KAZN: variants seen among roughly 807,000 people sequenced by gnomAD.
KAZN encodes kazrin, periplakin interacting protein.
A neutral mutation model predicts 87.4 loss-of-function variants in KAZN; 40 were observed. The ratio of observed to expected loss-of-function variants is 0.46; its 90% CI spans 0.36 to 0.60. The LOEUF is 0.60. KAZN is among the 20% of genes least tolerant of loss of function. KAZN has a pLI of 0.00. For synonymous variants in KAZN, 466 were observed against 458.3 expected (o/e 1.02, Z -0.22); for missense variants, 898 against 1,073.9 (o/e 0.84, Z 2.29).
chr1:14,336,213 A>G (rs1236837320), intron 2 of KAZN, among the ~76,000 whole-genome samples: 3 of 152,242 alleles, frequency 2.0e-5, no homozygotes, highest in East Asian at 1.9e-4. Flanking sequence ...TATAAATGAA[A>G]TTATACAATA....
At chr1:13,951,242 G>A (rs553103216) in intron 1 of KAZN, among the ~76,000 whole-genome samples, 2 of 152,182 alleles carry the variant, frequency 1.3e-5, no homozygotes, top group Non-Finnish European at 2.9e-5. Context: ...GCATAGTGTG[G>A]TAAGGGACAT....
At position 15,010,276 on chromosome 1, in the gene KAZN, A is replaced by G. The variant is rs370573023; in HGVS notation, c.419-24473A>G. ...TTTCCTGTAAATTGATAGTTCATCT[A>G]AAGGCTTGATCAGATTCAGACTCAT... On this transcript the variant is annotated intron_variant, in intron 2 of 14. Transcript: ENST00000376030. Among the ~76,000 whole-genome samples, 12 of 152,190 alleles carry G rather than the reference A, an allele frequency of 7.9e-5. No individual in the cohort carries two copies. The East Asian group carries it at 9.6e-4, about 12-fold the overall frequency.
chr1:14,321,723 G>A (rs1656063741), intron 2 of KAZN, among the ~76,000 whole-genome samples: 1 of 152,266 alleles, frequency 6.6e-6, no homozygotes, highest in East Asian at 1.9e-4. Context: ...CAAATGGCAG[G>A]TGGTGGGGCA....
At chr1:14,400,734 G>A (rs946171813) in intron 2 of KAZN, among the ~76,000 whole-genome samples, 4 of 152,180 alleles carry the variant, frequency 2.6e-5, no homozygotes, top group Admixed American at 1.3e-4. Context: ...CCCAGGCCCG[G>A]CCCCTGCTGC....
chr1:13,974,900 T>G (rs535208037), intron 1 of KAZN, among the ~76,000 whole-genome samples: 27 of 152,192 alleles, frequency 1.8e-4, no homozygotes, highest in Admixed American at 1.0e-3. Context: ...CCTTCAAGAC[T>G]GCTTTGTTAA....
At chr1:14,523,109 C>A (rs912551091) in intron 2 of KAZN, among the ~76,000 whole-genome samples, 4 of 152,180 alleles carry the variant, frequency 2.6e-5, no homozygotes, top group Non-Finnish European at 5.9e-5. Context: ...GCTTCCACAC[C>A]AGGCATGGAG....
At chr1:14,517,082 A>G (rs760897805) in intron 2 of KAZN, among the ~76,000 whole-genome samples, 1 of 152,182 alleles carries the variant, frequency 6.6e-6, no homozygotes, top group Non-Finnish European at 1.5e-5. Flanking sequence ...GCAAAGAGAC[A>G]GAGAGAGGCA....
intron 2 of KAZN, among the ~76,000 whole-genome samples, chr1:14,417,942 G>C (rs1664943213): frequency 1.6e-5 from 2 of 127,442 alleles, no homozygotes; most frequent in Non-Finnish European, 3.1e-5. Context: ...CATGCAGTGA[G>C]CAGAAATCAC....
intron 1 of KAZN, among the ~76,000 whole-genome samples, chr1:14,049,775 T>C (rs988250507): frequency 1.3e-5 from 2 of 152,130 alleles, no homozygotes; most frequent in East Asian, 1.9e-4. Flanking sequence ...ACTGGGGTGA[T>C]AGTGAGGGAA....
chr1:14,323,770 A>G (rs74834083), intron 2 of KAZN, among the ~76,000 whole-genome samples: 1,653 of 152,296 alleles, frequency 0.011, 14 homozygotes, highest in South Asian at 0.016. Flanking sequence ...GATCTTTATT[A>G]GAGATTCCTT....
intron 2 of KAZN, among the ~76,000 whole-genome samples, chr1:14,243,465 G>A (rs1215810807): frequency 2.0e-5 from 3 of 152,126 alleles, no homozygotes; most frequent in Non-Finnish European, 2.9e-5. Context: ...GAACATAAAC[G>A]TGGCGATGGT....
At chr1:14,287,175 G>C (rs1411128846) in intron 2 of KAZN, among the ~76,000 whole-genome samples, 2 of 152,162 alleles carry the variant, frequency 1.3e-5, no homozygotes, top group Non-Finnish European at 2.9e-5. Flanking sequence ...GAGACATTTA[G>C]TTCCATTACC....
At chr1:14,231,379 G>A (rs1271807591) in intron 2 of KAZN, among the ~76,000 whole-genome samples, 1 of 117,478 alleles carries the variant, frequency 8.5e-6, no homozygotes, top group African/African-American at 3.3e-5. Context: ...TAGCCAGAAG[G>A]GGGAGGCTCT....
intron 2 of KAZN, among the ~76,000 whole-genome samples, chr1:14,446,522 TCTC>T (rs994595825): frequency 2.6e-5 from 4 of 152,066 alleles, no homozygotes; most frequent in Non-Finnish European, 4.4e-5. Context: ...TTGGGAAAAA[TCTC>T]CTCTGCCATG....
chr1:14,304,329 T>A (rs1654770299), intron 2 of KAZN, among the ~76,000 whole-genome samples: 1 of 151,976 alleles, frequency 6.6e-6, no homozygotes, highest in Non-Finnish European at 1.5e-5. Flanking sequence ...AAGGGAAGGG[T>A]TTTAAGCTCA....
At chr1:14,958,823 A>AG (rs1292204401) in intron 1 of KAZN, among the ~76,000 whole-genome samples, 2 of 151,648 alleles carry the variant, frequency 1.3e-5, no homozygotes, top group African/African-American at 2.4e-5. Flanking sequence ...AATGGAGGGA[A>AG]GGGGAAGGCA....
At chr1:14,518,464 A>T (rs889570561) in intron 2 of KAZN, among the ~76,000 whole-genome samples, 1 of 152,182 alleles carries the variant, frequency 6.6e-6, no homozygotes, top group Non-Finnish European at 1.5e-5. Context: ...GACATGAGCC[A>T]CTGCACCCAG....
rs561976799 is a variant in KAZN, at chr1:14,820,064, T to C, written c.227-140620T>C. ...CCACCCTCACCTCTATCTAATCTAG[T>C]GGTTCTCCAACTTTAATGTGCTCAG... On this transcript the variant is annotated intron_variant, in intron 1 of 14. Coordinates refer to ENST00000376030, the MANE Select transcript of KAZN (RefSeq NM_201628.3). The surrounding 1 kb of genome is among the most constrained non-coding windows in gnomAD (Gnocchi z 4.1). Among the ~76,000 whole-genome samples the C allele has an allele frequency of 1.4e-4, 21 of 152,274 alleles. No homozygotes were observed. Among genetic ancestry groups the C allele is most frequent in the African/African-American group, 5.1e-4 (21 of 41,552 alleles).
intron 2 of KAZN, among the ~76,000 whole-genome samples, chr1:14,476,587 C>A (rs1308676867): frequency 6.6e-6 from 1 of 152,184 alleles, no homozygotes; most frequent in East Asian, 1.9e-4. Flanking sequence ...GATATAATAA[C>A]AATTACTGAT....
Sources: allele counts gnomAD v4.1 joint callset (sites outside exome capture counted in the v4.1 genomes callset), GRCh38; gene constraint gnomAD v4.1.1; non-coding constraint Gnocchi (gnomAD v3.1); transcripts MANE v1.5; gene names NCBI Gene and HGNC (gene_info 2026-07-23, HGNC 2026-07-21).